GRIN3A: variants seen among roughly 807,000 people sequenced by gnomAD.
GRIN3A encodes the protein glutamate ionotropic receptor NMDA type subunit 3A.
GRIN3A carries 47 observed loss-of-function variants against 92.4 expected under a neutral mutation model. The ratio of observed to expected loss-of-function variants is 0.51; its 90% CI spans 0.40 to 0.65. GRIN3A has a LOEUF of 0.65. Ranked by LOEUF, GRIN3A falls within the 30% of genes least tolerant of loss-of-function variation. The pLI is 0.00. For missense variants in GRIN3A, 1,324 were observed against 1,393.1 expected, an observed-to-expected ratio of 0.95 and a Z score of 0.79; for synonymous variants, 527 against 540.6, an observed-to-expected ratio of 0.97 and a Z score of 0.35.
chr9:101,594,399 A>G, intron 6 of GRIN3A: 3 of 1,579,606 alleles, frequency 1.9e-6, no homozygotes, highest in Non-Finnish European at 2.6e-6. Context: ...GGTGCTTGTA[A>G]GAAAAAGGCT....
Position 101,573,209 on chromosome 9 carries a change from C to T in GRIN3A, c.3313G>A (p.Glu1105Lys), listed in dbSNP as rs1588232348. ...CAAGTCCGACTTGTCCTTTGATACT[C>T]CTCCAGCTCCGTTTTCCTGCTCACA... The part of the protein sequence containing the change: ...LAVSRKTELE[E>K]YQRTSRTCES Residue 1105 changes from glutamate (E) to lysine (K), a missense_variant, in exon 9 of 9, where the codon GAG becomes AAG. By Grantham distance (56) the Glu-to-Lys change is moderately conservative. Transcript: ENST00000361820. The T allele has an allele frequency of 3.1e-6, 5 of 1,613,974 alleles. No homozygotes were observed. The highest frequency in any genetic ancestry group is 1.3e-5 in the African/African-American group (1 of 74,910).
chr9:101,697,564 G>T (rs951015560), intron 1 of GRIN3A, among the ~76,000 whole-genome samples: 4 of 152,124 alleles, frequency 2.6e-5, no homozygotes, highest in Admixed American at 2.6e-4. Context: ...ATAACATTTG[G>T]GTTTCATCTG....
At chr9:101,702,873 A>G (rs981853111) in intron 1 of GRIN3A, among the ~76,000 whole-genome samples, 2 of 152,190 alleles carry the variant, frequency 1.3e-5, no homozygotes, top group Admixed American at 6.5e-5. Flanking sequence ...CCAAAAACGA[A>G]GAAATCAGCT....
intron 6 of GRIN3A, among the ~76,000 whole-genome samples, chr9:101,590,926 T>C (rs1828015019): frequency 6.6e-6 from 1 of 152,236 alleles, no homozygotes; most frequent in Non-Finnish European, 1.5e-5. Flanking sequence ...TATTTTTTCC[T>C]TGAGAATGTT....
At chr9:101,710,916 C>A (rs888692648) in intron 1 of GRIN3A, among the ~76,000 whole-genome samples, 2 of 152,090 alleles carry the variant, frequency 1.3e-5, no homozygotes, top group Non-Finnish European at 2.9e-5. Context: ...TATGTTTTCT[C>A]ATATACATAC....
chr9:101,607,517 G>A (rs763962983), intron 6 of GRIN3A, among the ~76,000 whole-genome samples: 14 of 152,162 alleles, frequency 9.2e-5, no homozygotes, highest in Non-Finnish European at 1.3e-4. Context: ...GTATATACCC[G>A]GTTCTTCCAC....
At chr9:101,622,680 ATACT>A (rs2118868114) in intron 5 of GRIN3A, among the ~76,000 whole-genome samples, 1 of 152,320 alleles carries the variant, frequency 6.6e-6, no homozygotes, top group South Asian at 2.1e-4. Flanking sequence ...CAGTGGAATA[ATACT>A]TATTTAAGAA....
In GRIN3A at chr9:101,686,706, T is replaced by C. The variant is rs554022171; in HGVS notation, c.1194A>G (p.Arg398=). 1.5e-5 allele frequency: 24 copies of C among 1,614,198 alleles called. No homozygotes were observed. In the African/African-American group the frequency reaches 2.8e-4, roughly 19 times the overall value. The part of the protein sequence containing the change: ...YVQDAMELVA[R]AVATATMIQP... ...GGATCATGGTGGCTGTGGCTACAGC[T>C]CTTGCGACCAGCTCCATAGCATCTT... The change falls in exon 2 of 9, where the codon AGA becomes AGG. Residue 398 remains arginine (R), a synonymous_variant. Transcript: ENST00000361820.
intron 6 of GRIN3A, among the ~76,000 whole-genome samples, chr9:101,596,317 C>T (rs1430911679): frequency 1.3e-5 from 2 of 152,126 alleles, no homozygotes; most frequent in Non-Finnish European, 2.9e-5. Flanking sequence ...AAATGAAACC[C>T]CCTTTCCCAA....
intron 5 of GRIN3A, among the ~76,000 whole-genome samples, chr9:101,621,284 CA>C (rs33962051): frequency 0.21 from 27,522 of 129,152 alleles, 2,442 homozygotes; most frequent in Middle Eastern, 0.25. Flanking sequence ...GACTCAGTCT[CA>C]AAAAAAAAAA....
At chr9:101,604,100 G>A (rs1054464845) in intron 6 of GRIN3A, among the ~76,000 whole-genome samples, 2 of 152,142 alleles carry the variant, frequency 1.3e-5, no homozygotes, top group African/African-American at 4.8e-5. Context: ...CCCAGCATGG[G>A]ACATGGTACG....
At position 101,734,965 on chromosome 9, in the gene GRIN3A, T is replaced by G. The variant is rs1237520052; in HGVS notation, c.699+2316A>C. ...AATGAGTTTGACATCCTTTTATATA[T>G]AGAAAGTTTTTAAAAATCACATCAC... is the stretch of plus-strand genomic sequence containing the variant. On this transcript the variant is annotated intron_variant, in intron 1 of 8. Coordinates refer to ENST00000361820, the MANE Select transcript of GRIN3A (RefSeq NM_133445.3). Among the ~76,000 whole-genome samples, 8 of 145,932 alleles carry G rather than the reference T, an allele frequency of 5.5e-5. 2 individuals carry two copies. In the Middle Eastern group the frequency reaches 0.021, roughly 377 times the overall value.
intron 6 of GRIN3A, among the ~76,000 whole-genome samples, chr9:101,606,369 A>C (rs1054383434): frequency 1.3e-5 from 2 of 152,108 alleles, no homozygotes; most frequent in Admixed American, 1.3e-4. Context: ...GAGGAGACCA[A>C]ACTCAGGTAT....
chr9:101,605,433 T>C (rs1828267007), intron 6 of GRIN3A, among the ~76,000 whole-genome samples: 1 of 152,216 alleles, frequency 6.6e-6, no homozygotes, highest in Non-Finnish European at 1.5e-5. Flanking sequence ...GATGTTTTGA[T>C]ACCATGGTTA....
intron 6 of GRIN3A, among the ~76,000 whole-genome samples, chr9:101,600,424 A>G (rs1828196424): frequency 6.6e-6 from 1 of 152,222 alleles, no homozygotes; most frequent in Non-Finnish European, 1.5e-5. Context: ...TGGAGCTTAC[A>G]GTTTTGATGG....
At chr9:101,673,677 C>T (rs1189781224) in intron 2 of GRIN3A, among the ~76,000 whole-genome samples, 1 of 152,114 alleles carries the variant, frequency 6.6e-6, no homozygotes, top group African/African-American at 2.4e-5. Context: ...AATTCCATCA[C>T]ATTCCTTTTT....
intron 1 of GRIN3A, among the ~76,000 whole-genome samples, chr9:101,735,540 A>G (rs1830191378): frequency 6.6e-6 from 1 of 151,844 alleles, no homozygotes; most frequent in Non-Finnish European, 1.5e-5. Flanking sequence ...AAGGAACACG[A>G]ATTTTGGTGA....
intron 2 of GRIN3A, among the ~76,000 whole-genome samples, chr9:101,676,438 C>G (rs1829396493): frequency 6.6e-6 from 1 of 151,874 alleles, no homozygotes; most frequent in Non-Finnish European, 1.5e-5. Context: ...ATATCAATAT[C>G]CTCTTTCTCT....
chr9:101,627,206 T>C (rs1225320301), intron 4 of GRIN3A, among the ~76,000 whole-genome samples: 1 of 152,170 alleles, frequency 6.6e-6, no homozygotes, highest in Admixed American at 6.5e-5. Context: ...GACTGTAATG[T>C]GTTGATGTTC....
Sources: gnomAD v4.1 joint callset for allele counts (sites outside exome capture counted in the v4.1 genomes callset) on GRCh38, gnomAD v4.1.1 for gene constraint, MANE v1.5 for transcripts, NCBI Gene and HGNC (gene_info 2026-07-23, HGNC 2026-07-21) for gene names.